The following NR6A1 variants were observed in gnomAD, a reference collection of about 807,000 sequenced individuals.
NR6A1 encodes the protein retinoic acid receptor-related testis-associated receptor.
In NR6A1, 7 loss-of-function variants were observed where a neutral mutation model predicts 59.1. That is an observed-to-expected ratio of 0.12 (90% CI 0.07 to 0.22). The LOEUF is 0.22. NR6A1 is among the 10% of genes least tolerant of loss of function. The pLI is 1.00. For missense variants in NR6A1, 468 were observed against 611.6 expected (o/e 0.77, Z 2.48); for synonymous variants, 243 against 236.1 (o/e 1.03, Z -0.27).
chr9:124,760,141 G>A (rs779321681), intron 1 of NR6A1, among the ~76,000 whole-genome samples: 29 of 151,276 alleles, frequency 1.9e-4, no homozygotes, highest in Non-Finnish European at 3.2e-4. Context: ...GTGAAATCTC[G>A]TCTCTACTAA....
At chr9:124,613,118 T>C (rs1835801303) in intron 2 of NR6A1, among the ~76,000 whole-genome samples, 1 of 152,136 alleles carries the variant, frequency 6.6e-6, no homozygotes, top group Non-Finnish European at 1.5e-5. Flanking sequence ...GAAGGATCGC[T>C]TGAGGCCGGG....
intron 3 of NR6A1, among the ~76,000 whole-genome samples, chr9:124,545,565 TCTG>T (rs1289306708): frequency 6.6e-6 from 1 of 152,228 alleles, no homozygotes; most frequent in Non-Finnish European, 1.5e-5. Flanking sequence ...CAATCGCTTC[TCTG>T]CTGTTCCATG....
At chr9:124,530,150 C>T (rs1422801659) in intron 7 of NR6A1, among the ~76,000 whole-genome samples, 2 of 152,148 alleles carry the variant, frequency 1.3e-5, no homozygotes, top group South Asian at 2.1e-4. Flanking sequence ...CTGAGGGACA[C>T]AAAGGAGTTC....
intron 2 of NR6A1, among the ~76,000 whole-genome samples, chr9:124,644,271 CTT>C (rs35401605): frequency 1.3e-4 from 13 of 96,736 alleles, no homozygotes; most frequent in South Asian, 6.7e-4. Flanking sequence ...ATTAAGTCTT[CTT>C]TTTTTTTTTT....
At chr9:124,732,799 C>A (rs755578740) in intron 2 of NR6A1, among the ~76,000 whole-genome samples, 56 of 151,740 alleles carry the variant, frequency 3.7e-4, no homozygotes, top group African/African-American at 1.3e-3. Context: ...CGGGTTCAAG[C>A]GATTCTTCAG....
chr9:124,748,991 G>A (rs1488319722), intron 1 of NR6A1, among the ~76,000 whole-genome samples: 4 of 149,392 alleles, frequency 2.7e-5, no homozygotes, highest in African/African-American at 7.4e-5. Flanking sequence ...GGCCAGGTGC[G>A]GTGGCTCACG....
At chr9:124,642,824 T>C (rs1386084865) in intron 2 of NR6A1, among the ~76,000 whole-genome samples, 1 of 151,628 alleles carries the variant, frequency 6.6e-6, no homozygotes, top group Non-Finnish European at 1.5e-5. Flanking sequence ...GAGAGGGAGG[T>C]AGCAGGGGAG....
At chr9:124,629,473 G>A (rs568868713) in intron 2 of NR6A1, among the ~76,000 whole-genome samples, 51 of 152,314 alleles carry the variant, frequency 3.3e-4, no homozygotes, top group South Asian at 1.2e-3. Flanking sequence ...GAATAACTCT[G>A]TGAGAAAGTA....
chr9:124,611,083 T>C (rs751244992), intron 2 of NR6A1, among the ~76,000 whole-genome samples: 2 of 151,742 alleles, frequency 1.3e-5, no homozygotes, highest in Non-Finnish European at 2.9e-5. Context: ...AGGAGGCAGG[T>C]ATAGTGGGCT....
intron 2 of NR6A1, among the ~76,000 whole-genome samples, chr9:124,639,311 T>C (rs1336768953): frequency 6.6e-6 from 1 of 152,126 alleles, no homozygotes; most frequent in African/African-American, 2.4e-5. Context: ...ATGCCAACAA[T>C]AACGAGGTCA....
Position 124,600,522 on chromosome 9 carries a change from A to G in NR6A1, c.143-45952T>C, listed in dbSNP as rs1835417008. Among the ~76,000 whole-genome samples the G allele has an allele frequency of 2.6e-5, 4 of 152,202 alleles. No individual in the cohort carries two copies. The East Asian group carries it at 7.7e-4, about 29-fold the overall frequency. Reference sequence around the variant, plus strand: ...AGGTTTTAAAAATCCAATTCTACAAACACTCATGGAGTGTCTCCTATGAGC... The same window carrying G: ...AGGTTTTAAAAATCCAATTCTACAAGCACTCATGGAGTGTCTCCTATGAGC... On this transcript the variant is annotated intron_variant, in intron 2 of 9. Coordinates refer to ENST00000487099, the MANE Select transcript of NR6A1 (RefSeq NM_033334.4).
intron 2 of NR6A1, among the ~76,000 whole-genome samples, chr9:124,662,463 A>C (rs983332803): frequency 6.6e-6 from 1 of 152,232 alleles, no homozygotes; most frequent in Non-Finnish European, 1.5e-5. Context: ...TGCAGGATTT[A>C]TATAGAACGG....
intron 2 of NR6A1, among the ~76,000 whole-genome samples, chr9:124,724,372 T>A (rs1450505760): frequency 6.6e-6 from 1 of 151,726 alleles, no homozygotes; most frequent in Non-Finnish European, 1.5e-5. Context: ...ACAAAAACAA[T>A]GTTTTTTTCT....
intron 1 of NR6A1, among the ~76,000 whole-genome samples, chr9:124,767,590 G>GT (rs1486474312): frequency 1.3e-5 from 2 of 150,736 alleles, no homozygotes; most frequent in Non-Finnish European, 3.0e-5. Context: ...TTTTGGTTTT[G>GT]TTTTTTTCTA....
At chr9:124,543,889 C>A in intron 3 of NR6A1, 32 bp from the exon 4 acceptor site, 1 of 1,588,488 alleles carries the variant, frequency 6.3e-7, no homozygotes, top group South Asian at 1.1e-5. Flanking sequence ...GAAAGGCAGT[C>A]AGAAGCACAC....
intron 2 of NR6A1, among the ~76,000 whole-genome samples, chr9:124,684,990 CA>C (rs200480892): frequency 8.9e-4 from 118 of 133,250 alleles, no homozygotes; most frequent in Admixed American, 8.2e-4. Flanking sequence ...GAAACTTCTG[CA>C]AAAAAAAAAA....
chr9:124,610,902 T>C (rs1397393144), intron 2 of NR6A1, among the ~76,000 whole-genome samples: 1 of 152,204 alleles, frequency 6.6e-6, no homozygotes, highest in African/African-American at 2.4e-5. Flanking sequence ...TTTATAATTG[T>C]ATTTTTCAAG....
At chr9:124,736,293 C>T (rs972725821) in intron 1 of NR6A1, among the ~76,000 whole-genome samples, 1 of 152,080 alleles carries the variant, frequency 6.6e-6, no homozygotes, top group Admixed American at 6.5e-5. Flanking sequence ...TCTGAAAGTG[C>T]CCATTGTTGT....
intron 1 of NR6A1, among the ~76,000 whole-genome samples, chr9:124,748,852 G>C (rs1375003719): frequency 6.8e-6 from 1 of 146,688 alleles, no homozygotes; most frequent in African/African-American, 2.6e-5. Flanking sequence ...GCGACAGAGC[G>C]AGACTCTGTC....
Sources: gnomAD v4.1 joint callset for allele counts (sites outside exome capture counted in the v4.1 genomes callset) on GRCh38, gnomAD v4.1.1 for gene constraint, MANE v1.5 for transcripts, NCBI Gene and HGNC (gene_info 2026-07-23, HGNC 2026-07-21) for gene names.